The following PPFIBP2 variants were observed in gnomAD, a reference collection of about 807,000 sequenced individuals.
PPFIBP2 encodes the protein liprin-beta-2.
A neutral mutation model predicts 118.3 loss-of-function variants in PPFIBP2; 118 were observed. That is an observed-to-expected ratio of 1.00 (90% CI 0.86 to 1.16). The LOEUF (loss-of-function observed/expected upper bound fraction) is 1.16, where lower values mean the gene tolerates loss of function less well. Among genes scored for constraint, PPFIBP2 ranks in the 50% most tolerant of loss-of-function variants. The probability of loss-of-function intolerance (pLI) is 0.00; values close to 1 mark genes in which losing one functional copy is unlikely to be tolerated. For synonymous variants in PPFIBP2, 414 were observed against 397.4 expected, an observed-to-expected ratio of 1.04 and a Z score of -0.50; for missense variants, 1,195 against 1,073.1, an observed-to-expected ratio of 1.11 and a Z score of -1.59.
the PPFIBP2 span, chr11:7,666,848 C>CTTTTTG: frequency 3.6e-6 from 1 of 277,730 alleles, no homozygotes. Context: ...AGGATGGCTT[C>CTTTTTG]ACTCGGAGCT....
intron 5 of PPFIBP2, among the ~76,000 whole-genome samples, chr11:7,602,209 G>T (rs1345873472): frequency 6.6e-6 from 1 of 152,072 alleles, no homozygotes; most frequent in Non-Finnish European, 1.5e-5. Context: ...AACTCACAGT[G>T]CTGGGCTCTG....
At chr11:7,593,446 T>C (rs1590429953) in intron 4 of PPFIBP2, among the ~76,000 whole-genome samples, 1 of 152,208 alleles carries the variant, frequency 6.6e-6, no homozygotes, top group East Asian at 1.9e-4. Flanking sequence ...GTCATTCATT[T>C]ATCATGCACT....
intron 3 of PPFIBP2, among the ~76,000 whole-genome samples, chr11:7,590,406 G>A (rs892039975): frequency 1.3e-4 from 20 of 152,166 alleles, no homozygotes; most frequent in Non-Finnish European, 2.6e-4. Flanking sequence ...TGTAGAAGAG[G>A]AAGATGCACT....
chr11:7,617,326 G>A, intron 6 of PPFIBP2: 2 of 983,706 alleles, frequency 2.0e-6, no homozygotes, highest in Non-Finnish European at 2.4e-6. Flanking sequence ...ATCAGAGCAT[G>A]CGTGTGTGGG....
intron 2 of PPFIBP2, among the ~76,000 whole-genome samples, chr11:7,562,929 TTATATATA>T (rs60848890): frequency 0.019 from 1,637 of 86,146 alleles, 34 homozygotes; most frequent in Admixed American, 0.027. Flanking sequence ...AATTAAAGTT[TTATATATA>T]TATATATATA....
rs765804511 is a variant in PPFIBP2, at chr11:7,649,210, G to A, written c.1973G>A (p.Arg658Lys). Reference sequence around the variant, plus strand: ...CAGTTTCATGAATCTAGAGTTGACAGACGAATGCTGCAATACCTAACTGTG... The same window carrying A: ...CAGTTTCATGAATCTAGAGTTGACAAACGAATGCTGCAATACCTAACTGTG... ...KDQFHESRVD[R>K]RMLQYLTVND... Residue 658 changes from arginine (R) to lysine (K), a missense_variant, in exon 20 of 24, where the codon AGA becomes AAA. Arg to Lys is a conservative substitution (Grantham distance 26, BLOSUM62 2). Coordinates refer to ENST00000299492, the MANE Select transcript of PPFIBP2 (RefSeq NM_003621.5). 49 of 1,613,802 alleles carry A rather than the reference G, an allele frequency of 3.0e-5. No individual in the cohort carries two copies. The highest frequency in any genetic ancestry group is 8.3e-5 in the Admixed American group (5 of 60,006).
chr11:7,549,632 G>A (rs1852732104), intron 2 of PPFIBP2, 93 bp downstream of exon 2: 2 of 1,178,132 alleles, frequency 1.7e-6, no homozygotes, highest in Admixed American at 3.3e-5. Context: ...TTTTGGCATA[G>A]AGAAAATCCC....
At chr11:7,550,045 G>T (rs542717445) in intron 2 of PPFIBP2, among the ~76,000 whole-genome samples, 11 of 152,118 alleles carry the variant, frequency 7.2e-5, no homozygotes, top group Non-Finnish European at 1.6e-4. Context: ...CAACTGTTTG[G>T]TTTTAATATT....
intron 1 of PPFIBP2, among the ~76,000 whole-genome samples, chr11:7,517,863 C>T (rs796434384): frequency 2.0e-5 from 3 of 152,290 alleles, no homozygotes; most frequent in African/African-American, 7.2e-5. Context: ...GAGGTTTTGG[C>T]CTGCTCAGGA....
At chr11:7,611,817 G>A (rs916404934) in intron 6 of PPFIBP2, among the ~76,000 whole-genome samples, 2 of 152,210 alleles carry the variant, frequency 1.3e-5, no homozygotes, top group Non-Finnish European at 2.9e-5. Flanking sequence ...AAATGAAAAT[G>A]TAGACATAGA....
intron 1 of PPFIBP2, among the ~76,000 whole-genome samples, chr11:7,535,154 G>T (rs935681501): frequency 6.6e-6 from 1 of 152,222 alleles, no homozygotes; most frequent in African/African-American, 2.4e-5. Flanking sequence ...CTCCCATTGG[G>T]TCTTGCCCAT....
chr11:7,595,022 G>A (rs1295349279), intron 4 of PPFIBP2, among the ~76,000 whole-genome samples: 1 of 152,084 alleles, frequency 6.6e-6, no homozygotes, highest in Non-Finnish European at 1.5e-5. Flanking sequence ...AGTAAAGCAG[G>A]ATGAGGATTG....
rs1854301934 is a variant in PPFIBP2, at chr11:7,653,107, G to A, written c.2520G>A (p.Glu840=). ...CGACGGACTACATTTGCCCAATGGA[G>A]CCCAGTGACGGTGTCAGTGATAGTC... ...DESTDYICPM[E]PSDGVSDSHR... is the part of the protein sequence containing the mutation. The change falls in exon 24 of 24, where the codon GAG becomes GAA. Residue 840 remains glutamate (E), a synonymous_variant. Coordinates refer to ENST00000299492, the MANE Select transcript of PPFIBP2 (RefSeq NM_003621.5). The A allele has an allele frequency of 1.2e-6, 2 of 1,614,216 alleles. No homozygotes were observed. Among genetic ancestry groups the A allele is most frequent in the East Asian group, 4.5e-5 (2 of 44,896 alleles).
rs560198418 is a variant in PPFIBP2 at position 7,651,044 on chromosome 11, C to A, written c.2247+79C>A. On this transcript the variant is annotated intron_variant, in intron 22 of 23. Coordinates refer to ENST00000299492, the MANE Select transcript of PPFIBP2 (RefSeq NM_003621.5). ...AAACTTATTTATTAAGGACAAGGCACAAAAGCTAACGAAAAAAAATAGGTA... is the reference window on the plus strand; with the variant it reads ...AAACTTATTTATTAAGGACAAGGCAAAAAAGCTAACGAAAAAAAATAGGTA... 148 of 1,417,438 alleles carry A rather than the reference C, an allele frequency of 1.0e-4. 1 individual carries two copies. In the African/African-American group the frequency reaches 1.6e-3, roughly 16 times the overall value. The allele number at this position is 1,417,438 out of a possible 1,614,324, so 87.8% of individuals were successfully genotyped here.
intron 6 of PPFIBP2, among the ~76,000 whole-genome samples, chr11:7,617,976 G>A (rs970495562): frequency 6.6e-6 from 1 of 152,144 alleles, no homozygotes; most frequent in African/African-American, 2.4e-5. Context: ...CTTCAGCAGA[G>A]ATAACCCTAT....
chr11:7,555,890 G>A (rs1223351260), intron 2 of PPFIBP2, among the ~76,000 whole-genome samples: 1 of 152,152 alleles, frequency 6.6e-6, no homozygotes, highest in Non-Finnish European at 1.5e-5. Flanking sequence ...AAAACTGTGT[G>A]GGCCTCGTGT....
intron 9 of PPFIBP2, among the ~76,000 whole-genome samples, chr11:7,628,616 G>C (rs1242610298): frequency 6.6e-6 from 1 of 152,152 alleles, no homozygotes; most frequent in African/African-American, 2.4e-5. Context: ...AAAAAATACT[G>C]CTGTGATCAC....
At chr11:7,515,679 G>A (rs1426610386) in intron 1 of PPFIBP2, among the ~76,000 whole-genome samples, 5 of 152,178 alleles carry the variant, frequency 3.3e-5, no homozygotes. Flanking sequence ...TGCTAGTCAG[G>A]AAAGCTGGTG....
Position 7,653,127 on chromosome 11 carries a change from AT to A in PPFIBP2, c.2541del (p.Asp847GlufsTer53), listed in dbSNP as rs761350012. The A allele has an allele frequency of 2.6e-5, 42 of 1,614,098 alleles. No homozygotes were observed. The Admixed American group carries it at 4.7e-4, about 18-fold the overall frequency. Reference protein sequence around the residue: ...CPMEPSDGVSDSHRVYSGYRG... With the variant: ...CPMEPSDGVSXSHRVYSGYRG... ...ATGGAGCCCAGTGACGGTGTCAGTG[AT>A]AGTCACAGGGTCTACAGTGGCTACC... On this transcript the variant is annotated frameshift_variant, in exon 24 of 24. Transcript: ENST00000299492. LOFTEE classifies it high-confidence loss of function.
Sources: allele counts gnomAD v4.1 joint callset (sites outside exome capture counted in the v4.1 genomes callset), GRCh38; gene constraint gnomAD v4.1.1; transcripts MANE v1.5; gene names NCBI Gene and HGNC (gene_info 2026-07-23, HGNC 2026-07-21).